The following CAMK1D variants were observed in gnomAD, a reference collection of about 807,000 sequenced individuals.
CAMK1D encodes the protein calcium/calmodulin-dependent protein kinase type 1D.
In CAMK1D, 9 loss-of-function variants were observed where a neutral mutation model predicts 47.7. That is an observed-to-expected ratio of 0.19 (90% CI 0.11 to 0.33). The LOEUF (loss-of-function observed/expected upper bound fraction) is 0.33. Among genes scored for constraint, CAMK1D ranks in the 10% least tolerant of loss-of-function variants. The pLI is 1.00. For missense variants in CAMK1D, 291 were observed against 488.7 expected, an observed-to-expected ratio of 0.60 and a Z score of 3.81; for synonymous variants, 184 against 184.9, an observed-to-expected ratio of 0.99 and a Z score of 0.04.
rs190302278 is a variant in CAMK1D, at chr10:12,374,209, A to T, written c.92+24299A>T. ...CAGGAGGCGGAAGTTGCAGTGAGCC[A>T]AGATTGCACCACTGCACTCCAGCCT... On this transcript the variant is annotated intron_variant, in intron 1 of 10. Transcript: ENST00000619168. Among the ~76,000 whole-genome samples, 632 of 145,052 alleles carry T rather than the reference A, an allele frequency of 4.4e-3. 5 individuals carry two copies. The highest frequency in any genetic ancestry group is 0.015 in the African/African-American group (605 of 39,328).
intron 3 of CAMK1D, among the ~76,000 whole-genome samples, chr10:12,739,152 G>A (rs1262240921): frequency 4.6e-5 from 7 of 152,132 alleles, no homozygotes; most frequent in South Asian, 2.1e-4. Context: ...CAGGAGGATC[G>A]CTTAAGCCCA....
chr10:12,488,801 G>A lies in CAMK1D; in HGVS notation c.93-64424G>A, dbSNP rs987239993. ...AGTTCACAATAGGGTTCATACTCCC[G>A]TGAGAATCTAATGGCGCCGCTGATC... On this transcript the variant is annotated intron_variant, in intron 1 of 10. Transcript: ENST00000619168. 7.2e-5 allele frequency among the ~76,000 whole-genome samples: 11 copies of A among 152,270 alleles called. No individual in the cohort carries two copies. The South Asian group carries it at 1.0e-3, about 14-fold the overall frequency.
At chr10:12,427,700 G>GTTTCTTTTTTTTTTTTTTT (rs1840283770) in intron 1 of CAMK1D, among the ~76,000 whole-genome samples, 1 of 31,030 alleles carries the variant, frequency 3.2e-5, no homozygotes, top group Non-Finnish European at 6.2e-5. Flanking sequence ...TGAACTTACT[G>GTTTCTTTTTTTTTTTTTTT]TTTTTTTTTT....
chr10:12,804,597 CAAATAAAT>C (rs56342576), intron 6 of CAMK1D, among the ~76,000 whole-genome samples: 30 of 148,866 alleles, frequency 2.0e-4, no homozygotes, highest in African/African-American at 3.2e-4. Flanking sequence ...GACTCCGTCT[CAAATAAAT>C]AAATAAATAA....
intron 5 of CAMK1D, among the ~76,000 whole-genome samples, chr10:12,789,411 A>T (rs747566084): frequency 4.6e-5 from 7 of 152,174 alleles, no homozygotes; most frequent in Non-Finnish European, 1.0e-4. Flanking sequence ...GATCAGATTG[A>T]CCTGGTTTCA....
At chr10:12,506,605 G>C (rs935338122) in intron 1 of CAMK1D, among the ~76,000 whole-genome samples, 1 of 151,774 alleles carries the variant, frequency 6.6e-6, no homozygotes, top group Non-Finnish European at 1.5e-5. Context: ...TGCAGTCTCC[G>C]CCTCCCGGGT....
chr10:12,830,721 C>A lies in CAMK1D; in HGVS notation c.*1834C>A, dbSNP rs1013135779. ...AAGTGCCCCTGCTTCAGCTCTCAGG[C>A]CCATCCAATGCCTCGAGCCCACGGG... On this transcript the variant is annotated 3_prime_UTR_variant, in exon 11 of 11. Coordinates refer to ENST00000619168, the MANE Select transcript of CAMK1D (RefSeq NM_153498.4). The A allele has an allele frequency of 3.3e-5, 5 of 152,208 alleles. No homozygotes were observed. The highest frequency in any genetic ancestry group is 1.2e-4 in the African/African-American group (5 of 41,434). 9.4% of individuals were successfully genotyped at this position (152,208 alleles called of 1,614,324 possible). A position where few individuals can be genotyped will look rare whatever the true frequency, so the allele number is the denominator to read the frequency against.
chr10:12,484,036 T>A (rs1834139424), intron 1 of CAMK1D, among the ~76,000 whole-genome samples: 1 of 152,170 alleles, frequency 6.6e-6, no homozygotes, highest in South Asian at 2.1e-4. Context: ...ACCCGGTGAC[T>A]TCATGGGGGT....
intron 3 of CAMK1D, among the ~76,000 whole-genome samples, chr10:12,737,223 G>A (rs1039434317): frequency 3.3e-5 from 5 of 151,838 alleles, no homozygotes; most frequent in Admixed American, 3.3e-4. Flanking sequence ...TTCCCTCCCT[G>A]TTGTTCCTGT....
chr10:12,725,845 C>T (rs1834602962), intron 3 of CAMK1D, among the ~76,000 whole-genome samples: 1 of 152,060 alleles, frequency 6.6e-6, no homozygotes, highest in African/African-American at 2.4e-5. Flanking sequence ...CAACCTCCAC[C>T]TCCCAGGCTC....
intron 2 of CAMK1D, among the ~76,000 whole-genome samples, chr10:12,658,968 T>G (rs1049524312): frequency 2.6e-5 from 4 of 152,260 alleles, no homozygotes; most frequent in Admixed American, 1.3e-4. Flanking sequence ...TAGAGCTGAT[T>G]AACACAAGCT....
chr10:12,501,670 A>G (rs1834707803), intron 1 of CAMK1D, among the ~76,000 whole-genome samples: 1 of 151,954 alleles, frequency 6.6e-6, no homozygotes, highest in African/African-American at 2.4e-5. Flanking sequence ...CCGCCAGGGG[A>G]CATTTGGTGA....
At chr10:12,495,276 TTTCAGA>T (rs1834503778) in intron 1 of CAMK1D, among the ~76,000 whole-genome samples, 1 of 152,220 alleles carries the variant, frequency 6.6e-6, no homozygotes, top group Non-Finnish European at 1.5e-5. Context: ...TAAAAAAAAC[TTTCAGA>T]TTCAGGCGAA....
At chr10:12,546,769 A>T (rs1269401045) in intron 1 of CAMK1D, among the ~76,000 whole-genome samples, 1 of 143,968 alleles carries the variant, frequency 6.9e-6, no homozygotes, top group African/African-American at 2.6e-5. Flanking sequence ...ATGAGAACAC[A>T]TGGACACAGG....
At chr10:12,702,628 G>T (rs943591717) in intron 3 of CAMK1D, among the ~76,000 whole-genome samples, 1 of 152,190 alleles carries the variant, frequency 6.6e-6, no homozygotes, top group Admixed American at 6.5e-5. Context: ...TCCCCGATAC[G>T]AGGTAGGTTC....
At chr10:12,352,740 CTT>C (rs760701327) in intron 1 of CAMK1D, among the ~76,000 whole-genome samples, 2 of 54,160 alleles carry the variant, frequency 3.7e-5, no homozygotes, top group Admixed American at 2.0e-4. Flanking sequence ...TGTGGACTTT[CTT>C]TTTTTTTTTT....
At chr10:12,399,036 T>G (rs901708950) in intron 1 of CAMK1D, among the ~76,000 whole-genome samples, 1 of 152,202 alleles carries the variant, frequency 6.6e-6, no homozygotes, top group African/African-American at 2.4e-5. Context: ...GCTGTTAGCC[T>G]TTTCCTTTCT....
chr10:12,795,606 G>T (rs552074749), intron 6 of CAMK1D, among the ~76,000 whole-genome samples: 4 of 152,166 alleles, frequency 2.6e-5, no homozygotes, highest in Non-Finnish European at 5.9e-5. Context: ...AACCTGTCAC[G>T]CTGAGATATC....
chr10:12,767,959 G>A (rs1409413760), intron 4 of CAMK1D, among the ~76,000 whole-genome samples: 2 of 152,080 alleles, frequency 1.3e-5, no homozygotes, highest in Admixed American at 6.5e-5. Context: ...TGCAACCTCC[G>A]CCTCCTGGGT....
Sources: allele counts gnomAD v4.1 joint callset (sites outside exome capture counted in the v4.1 genomes callset), GRCh38; gene constraint gnomAD v4.1.1; transcripts MANE v1.5; gene names NCBI Gene and HGNC (gene_info 2026-07-23, HGNC 2026-07-21).